The following ZNRF2 variants were observed in gnomAD, a reference collection of about 807,000 sequenced individuals.
ZNRF2 encodes the protein zinc and ring finger 2, also known as E3 ubiquitin-protein ligase ZNRF2.
ZNRF2 carries 16 observed loss-of-function variants against 20.4 expected under a neutral mutation model. That is an observed-to-expected ratio of 0.79 (90% CI 0.53 to 1.19). The LOEUF (loss-of-function observed/expected upper bound fraction) is 1.19. Among genes scored for constraint, ZNRF2 ranks in the 50% most tolerant of loss-of-function variants. ZNRF2 has a pLI of 0.00. For missense variants in ZNRF2, 363 were observed against 332.4 expected, an observed-to-expected ratio of 1.09 and a Z score of -0.72; for synonymous variants, 178 against 144.9, an observed-to-expected ratio of 1.23 and a Z score of -1.64.
chr7:30,335,206 C>T (rs1434222191), intron 2 of ZNRF2, among the ~76,000 whole-genome samples: 1 of 152,046 alleles, frequency 6.6e-6, no homozygotes, highest in Non-Finnish European at 1.5e-5. Flanking sequence ...TTTATATTAG[C>T]CCTGCCTTTT....
At chr7:30,308,540 C>G (rs554228537) in intron 1 of ZNRF2, among the ~76,000 whole-genome samples, 1 of 152,078 alleles carries the variant, frequency 6.6e-6, no homozygotes, top group Non-Finnish European at 1.5e-5. Context: ...TCTAGGAAAC[C>G]GAAACAAGCT....
chr7:30,364,684 G>A (rs1309194895), intron 4 of ZNRF2, among the ~76,000 whole-genome samples: 1 of 152,140 alleles, frequency 6.6e-6, no homozygotes, highest in Non-Finnish European at 1.5e-5. Context: ...GGGAAGTACT[G>A]AAACTGATGC....
intron 4 of ZNRF2, among the ~76,000 whole-genome samples, chr7:30,364,283 G>T (rs993819102): frequency 6.6e-6 from 1 of 152,172 alleles, no homozygotes; most frequent in African/African-American, 2.4e-5. Flanking sequence ...GTGAAATGTG[G>T]AAGCCTTGGT....
chr7:30,285,590 C>G lies in ZNRF2; in HGVS notation c.233C>G (p.Pro78Arg). ...GCGGCCCCGGCAGCCCCGGCGGCCC[C>G]GCGCAGCCGCTCCCTCGGCGGGGCC... ...AAAAPAAPAAPRSRSLGGAVG... is the reference protein window; with the variant it reads ...AAAAPAAPAARRSRSLGGAVG... Residue 78 changes from proline (P) to arginine (R), a missense_variant, in exon 1 of 5, where the codon CCG (proline) becomes CGG (arginine). Physicochemically the swap from Pro to Arg is moderately radical, Grantham distance 103. Coordinates refer to ENST00000323037, the MANE Select transcript of ZNRF2 (RefSeq NM_147128.4). 2 of 1,093,002 alleles carry G rather than the reference C, an allele frequency of 1.8e-6. No individual in the cohort carries two copies. The highest frequency in any genetic ancestry group is 2.2e-6 in the Non-Finnish European group (2 of 900,186). The allele number at this position is 1,093,002 out of a possible 1,614,324, so 67.7% of individuals were successfully genotyped here. A position where few individuals can be genotyped will look rare whatever the true frequency, so the allele number is the denominator to read the frequency against.
chr7:30,325,898 A>G (rs992618648), intron 2 of ZNRF2, among the ~76,000 whole-genome samples: 5 of 152,198 alleles, frequency 3.3e-5, no homozygotes, highest in Admixed American at 6.6e-5. Context: ...TTTGTGACTA[A>G]AAGTATATGG....
intron 1 of ZNRF2, among the ~76,000 whole-genome samples, chr7:30,306,910 T>C (rs1799215668): frequency 6.6e-6 from 1 of 152,132 alleles, no homozygotes. Context: ...CTCTCATTAT[T>C]TTGTATTTAT....
intron 1 of ZNRF2, among the ~76,000 whole-genome samples, chr7:30,299,426 A>C (rs1243205593): frequency 2.6e-5 from 4 of 152,120 alleles, no homozygotes; most frequent in Admixed American, 6.5e-5. Flanking sequence ...TCTCAAAAAA[A>C]AAAAAAAAAT....
chr7:30,353,727 A>G (rs775339448), intron 2 of ZNRF2, among the ~76,000 whole-genome samples: 1 of 152,096 alleles, frequency 6.6e-6, no homozygotes, highest in Non-Finnish European at 1.5e-5. Flanking sequence ...GTTGCATCAT[A>G]GTTTGGTGGA....
chr7:30,301,868 TG>T (rs1431803662), intron 1 of ZNRF2, among the ~76,000 whole-genome samples: 1 of 152,148 alleles, frequency 6.6e-6, no homozygotes, highest in Non-Finnish European at 1.5e-5. Flanking sequence ...GCTAGTGCAC[TG>T]AAAAGAACTG....
At chr7:30,320,520 T>A (rs942297226) in intron 1 of ZNRF2, among the ~76,000 whole-genome samples, 4 of 152,180 alleles carry the variant, frequency 2.6e-5, no homozygotes, top group African/African-American at 4.8e-5. Flanking sequence ...TGATATGCAT[T>A]CTGTAGAAAC....
At chr7:30,330,852 A>G (rs111429709) in intron 2 of ZNRF2, among the ~76,000 whole-genome samples, 6 of 152,130 alleles carry the variant, frequency 3.9e-5, no homozygotes, top group African/African-American at 1.4e-4. Flanking sequence ...GCATGTGTGA[A>G]CTTCGCCTTC....
Position 30,352,047 on chromosome 7 carries a change from A to G in ZNRF2, c.566-3681A>G, listed in dbSNP as rs182071933. On this transcript the variant is annotated intron_variant, in intron 2 of 4. Transcript: ENST00000323037. Reference sequence around the variant, plus strand: ...TTTTTGGAGAGGTGCATGAAGTACTATCTGATAATAACTAACATTTTGTAT... The same window carrying G: ...TTTTTGGAGAGGTGCATGAAGTACTGTCTGATAATAACTAACATTTTGTAT... Among the ~76,000 whole-genome samples, 12 of 152,108 alleles carry G rather than the reference A, an allele frequency of 7.9e-5. No individual in the cohort carries two copies. The East Asian group carries it at 2.3e-3, about 29-fold the overall frequency.
intron 1 of ZNRF2, among the ~76,000 whole-genome samples, chr7:30,313,465 C>T (rs1477833112): frequency 6.6e-6 from 1 of 152,086 alleles, no homozygotes; most frequent in African/African-American, 2.4e-5. Flanking sequence ...ATGCATTTCT[C>T]CCTCTAGTTT....
At chr7:30,306,592 G>A (rs551921737) in intron 1 of ZNRF2, among the ~76,000 whole-genome samples, 1 of 152,146 alleles carries the variant, frequency 6.6e-6, no homozygotes, top group Non-Finnish European at 1.5e-5. Context: ...CTAAACCACT[G>A]CTTTAGTTGT....
intron 1 of ZNRF2, among the ~76,000 whole-genome samples, chr7:30,300,858 T>C (rs986250085): frequency 6.6e-6 from 1 of 152,228 alleles, no homozygotes; most frequent in African/African-American, 2.4e-5. Flanking sequence ...ATATGTAGTT[T>C]TCTTTCTGCT....
Position 30,340,676 on chromosome 7 carries a change from C to G in ZNRF2, c.566-15052C>G, listed in dbSNP as rs148434756. On this transcript the variant is annotated intron_variant, in intron 2 of 4. Coordinates refer to ENST00000323037, the MANE Select transcript of ZNRF2 (RefSeq NM_147128.4). The stretch of plus-strand genomic sequence containing the variant: ...TGAGGATTTTCGCATCGATGTTCAT[C>G]AGGGATATTGGCCTGAAATTTTCTT... Among the ~76,000 whole-genome samples the G allele has an allele frequency of 9.8e-3, 1,497 of 152,180 alleles. 20 individuals are homozygous for G. The highest frequency in any genetic ancestry group is 0.033 in the African/African-American group (1,372 of 41,514).
chr7:30,341,768 A>G, intron 2 of ZNRF2, among the ~76,000 whole-genome samples: 1 of 152,084 alleles, frequency 6.6e-6, no homozygotes. Flanking sequence ...CAAGTCCTGA[A>G]TATCCTTGTT....
intron 2 of ZNRF2, among the ~76,000 whole-genome samples, chr7:30,337,031 T>C (rs891519290): frequency 6.6e-6 from 1 of 152,208 alleles, no homozygotes; most frequent in Non-Finnish European, 1.5e-5. Context: ...TTAAAAAGTT[T>C]ATTAAAGCAT....
At chr7:30,313,813 C>T (rs1799326016) in intron 1 of ZNRF2, among the ~76,000 whole-genome samples, 1 of 152,190 alleles carries the variant, frequency 6.6e-6, no homozygotes, top group African/African-American at 2.4e-5. Context: ...TACCTTCCTC[C>T]CCCAGTGGTG....
Sources: gnomAD v4.1 joint callset for allele counts (sites outside exome capture counted in the v4.1 genomes callset) on GRCh38, gnomAD v4.1.1 for gene constraint, MANE v1.5 for transcripts, NCBI Gene and HGNC (gene_info 2026-07-23, HGNC 2026-07-21) for gene names.